RBPJ: variants seen among roughly 807,000 people sequenced by gnomAD.
RBPJ encodes the protein recombining binding protein suppressor of hairless.
Under a neutral mutation model 67.8 loss-of-function variants are expected in RBPJ, and 9 were observed. The observed-to-expected ratio is 0.13, with a 90% CI of 0.08 to 0.23. The LOEUF (loss-of-function observed/expected upper bound fraction) is 0.23. RBPJ is among the 10% of genes least tolerant of loss of function. The pLI is 1.00. For synonymous variants in RBPJ, 198 were observed against 203.3 expected (o/e 0.97, Z 0.22); for missense variants, 305 against 595.6 (o/e 0.51, Z 5.08).
At chr4:26,159,923 C>CT (rs1553843605), upstream of RBPJ, among the ~76,000 whole-genome samples, 6,418 of 141,236 alleles carry the variant, frequency 0.045, 177 homozygotes, top group Non-Finnish European at 0.061. Flanking sequence ...CTCTCTCTCT[C>CT]TTTTTTTTTT....
At chr4:26,356,681 A>G (rs906486803) in intron 1 of RBPJ, among the ~76,000 whole-genome samples, 5 of 152,190 alleles carry the variant, frequency 3.3e-5, no homozygotes, top group African/African-American at 1.2e-4. Context: ...TATCCATAAT[A>G]TAGTTGTAAC....
the RBPJ span, among the ~76,000 whole-genome samples, chr4:26,126,227 G>C: frequency 6.6e-6 from 1 of 152,236 alleles, no homozygotes; most frequent in Non-Finnish European, 1.5e-5. Context: ...ATACAAAGAT[G>C]AAAATTGGTA....
At chr4:26,168,402 C>G (rs1238437085) in intron 1 of RBPJ, among the ~76,000 whole-genome samples, 6 of 152,122 alleles carry the variant, frequency 3.9e-5, no homozygotes, top group Non-Finnish European at 8.8e-5. Flanking sequence ...ATGTTGGCCC[C>G]CACTCTCTTC....
At chr4:26,228,466 C>T (rs556665708) in intron 1 of RBPJ, among the ~76,000 whole-genome samples, 2 of 152,270 alleles carry the variant, frequency 1.3e-5, no homozygotes, top group South Asian at 4.1e-4. Context: ...ATGTTTTGTT[C>T]TGATAGCCAT....
chr4:26,309,750 C>T (rs1262276564), intron 1 of RBPJ, among the ~76,000 whole-genome samples: 1 of 152,054 alleles, frequency 6.6e-6, no homozygotes, highest in African/African-American at 2.4e-5. Flanking sequence ...AAGTATATTC[C>T]CTTATAAATA....
chr4:26,423,193 T>A (rs1322863124), intron 5 of RBPJ, among the ~76,000 whole-genome samples: 2 of 152,136 alleles, frequency 1.3e-5, no homozygotes, highest in Non-Finnish European at 2.9e-5. Flanking sequence ...AGAACCAAGT[T>A]CCATTTCAGA....
the RBPJ span, among the ~76,000 whole-genome samples, chr4:26,128,051 G>A: frequency 6.6e-6 from 1 of 152,224 alleles, no homozygotes; most frequent in South Asian, 2.1e-4. Flanking sequence ...GAGATGGCAT[G>A]GCCTGGGGCC....
At chr4:26,191,210 TAGAGAGAGAGAGAGAGAG>T (rs545388933) in intron 1 of RBPJ, among the ~76,000 whole-genome samples, 1 of 26,842 alleles carries the variant, frequency 3.7e-5, no homozygotes, top group African/African-American at 1.4e-4. Context: ...TATATATATA[TAGAGAGAGAGAGAGAGAG>T]AGAGAGAGAG....
At chr4:26,118,534 G>C in the RBPJ span, among the ~76,000 whole-genome samples, 5 of 152,320 alleles carry the variant, frequency 3.3e-5, no homozygotes, top group African/African-American at 9.6e-5. Flanking sequence ...CCAGCAGGCA[G>C]GTATGAAAGA....
At chr4:26,175,082 ACT>A (rs966125115) in intron 1 of RBPJ, among the ~76,000 whole-genome samples, 2 of 152,064 alleles carry the variant, frequency 1.3e-5, no homozygotes, top group African/African-American at 4.8e-5. Flanking sequence ...TTCCTCTATG[ACT>A]CTGAGTAAAG....
At chr4:26,326,072 T>C (rs1475421615) in intron 1 of RBPJ, among the ~76,000 whole-genome samples, 1 of 152,150 alleles carries the variant, frequency 6.6e-6, no homozygotes, top group East Asian at 1.9e-4. Flanking sequence ...AAAGAATTTT[T>C]GAACATAGGA....
the RBPJ span, among the ~76,000 whole-genome samples, chr4:26,124,461 T>TATATATATATAC: frequency 9.9e-5 from 12 of 121,328 alleles, no homozygotes; most frequent in East Asian, 5.4e-4. Flanking sequence ...TATATATATA[T>TATATATATATAC]ACCAGTTTCT....
intron 1 of RBPJ, among the ~76,000 whole-genome samples, chr4:26,368,832 G>A (rs1250837864): frequency 6.6e-6 from 1 of 152,182 alleles, no homozygotes; most frequent in Non-Finnish European, 1.5e-5. Flanking sequence ...TAGCCCTGGG[G>A]CAGGGATAGG....
the RBPJ span, among the ~76,000 whole-genome samples, chr4:26,157,262 C>A: frequency 6.6e-6 from 1 of 152,042 alleles, no homozygotes; most frequent in Non-Finnish European, 1.5e-5. Context: ...TGAGACCCCA[C>A]CTCTCCAAAG....
chr4:26,262,400 A>G (rs573707376), intron 1 of RBPJ, among the ~76,000 whole-genome samples: 18 of 152,326 alleles, frequency 1.2e-4, no homozygotes, highest in African/African-American at 4.3e-4. Flanking sequence ...TAAACGCCAG[A>G]ATCTCTCCTA....
chr4:26,334,413 T>C (rs1724589221), intron 1 of RBPJ, among the ~76,000 whole-genome samples: 1 of 152,048 alleles, frequency 6.6e-6, no homozygotes, highest in Admixed American at 6.6e-5. Flanking sequence ...AATTTTTAGG[T>C]TTTTAAATTC....
intron 1 of RBPJ, among the ~76,000 whole-genome samples, chr4:26,313,176 G>A (rs1417050973): frequency 1.3e-5 from 2 of 152,156 alleles, no homozygotes; most frequent in Non-Finnish European, 2.9e-5. Flanking sequence ...GCCTGTCTTA[G>A]CCTCCCAAAG....
chr4:26,261,308 G>A (rs1720524912), intron 1 of RBPJ, among the ~76,000 whole-genome samples: 1 of 152,046 alleles, frequency 6.6e-6, no homozygotes, highest in Non-Finnish European at 1.5e-5. Context: ...GGGCTGAGAT[G>A]AATTAATGAA....
At chr4:26,139,949 GA>G in the RBPJ span, among the ~76,000 whole-genome samples, 3 of 152,212 alleles carry the variant, frequency 2.0e-5, no homozygotes, top group Admixed American at 2.0e-4. Flanking sequence ...TAGGTCATGA[GA>G]GGGGTGGGAC....
Sources: gnomAD v4.1 joint callset for allele counts (sites outside exome capture counted in the v4.1 genomes callset) on GRCh38, gnomAD v4.1.1 for gene constraint, MANE v1.5 for transcripts, NCBI Gene and HGNC (gene_info 2026-07-23, HGNC 2026-07-21) for gene names.